The following CNBD1 variants were observed in gnomAD, a reference collection of about 807,000 sequenced individuals.
CNBD1 encodes the protein cyclic nucleotide-binding domain-containing protein 1.
CNBD1 carries 71 observed loss-of-function variants against 54.4 expected under a neutral mutation model. The observed-to-expected ratio is 1.30, with a 90% confidence interval of 1.08 to 1.59. CNBD1 has a LOEUF of 1.59. CNBD1 is among the 40% of genes most tolerant of loss of function. The pLI is 0.00. For missense variants in CNBD1, 659 were observed against 518.0 expected (o/e 1.27, Z -2.64); for synonymous variants, 182 against 170.7 (o/e 1.07, Z -0.51).
At chr8:87,153,305 T>C (rs370427204) in intron 4 of CNBD1, among the ~76,000 whole-genome samples, 9 of 152,328 alleles carry the variant, frequency 5.9e-5, no homozygotes, top group Non-Finnish European at 1.0e-4. Context: ...TCTACATCAA[T>C]TTTCTGGATA....
At chr8:87,372,546 A>G (rs1252393438) in intron 10 of CNBD1, among the ~76,000 whole-genome samples, 1 of 151,940 alleles carries the variant, frequency 6.6e-6, no homozygotes, top group Non-Finnish European at 1.5e-5. Context: ...GGTCTCCAAG[A>G]TTAAGTTCTT....
rs373345548 is a variant in CNBD1, at chr8:87,425,538, C to G, written c.214-3008C>G. Among the ~76,000 whole-genome samples the G allele has an allele frequency of 9.7e-3, 1,465 of 151,556 alleles. 16 individuals carry two copies. The highest frequency in any genetic ancestry group is 0.031 in the African/African-American group (1,291 of 41,086). On this transcript the variant is annotated intron_variant, in intron 2 of 7. Coordinates refer to the CNBD1 transcript ENST00000521593. ...CTGTTTGTTAGTTTTCCTTCTAACA[C>G]ACAGGACCCTCAGCTGCAGGTCTGT...
At chr8:86,995,320 T>A (rs2130535250) in intron 4 of CNBD1, among the ~76,000 whole-genome samples, 1 of 152,348 alleles carries the variant, frequency 6.6e-6, no homozygotes, top group Middle Eastern at 3.4e-3. Flanking sequence ...AGATAGTAAA[T>A]GTCTGTTGCA....
chr8:87,101,084 T>C (rs1409597235), intron 4 of CNBD1, among the ~76,000 whole-genome samples: 2 of 152,228 alleles, frequency 1.3e-5, no homozygotes, highest in African/African-American at 4.8e-5. Flanking sequence ...ACCTTTCAGA[T>C]AAAAGTTACT....
chr8:87,007,522 G>C (rs1221700060), intron 4 of CNBD1, among the ~76,000 whole-genome samples: 1 of 151,934 alleles, frequency 6.6e-6, no homozygotes, highest in African/African-American at 2.4e-5. Flanking sequence ...TTTTGAACTG[G>C]TAATTCTATT....
At chr8:87,058,783 C>T (rs1586228699) in intron 4 of CNBD1, among the ~76,000 whole-genome samples, 1 of 152,178 alleles carries the variant, frequency 6.6e-6, no homozygotes, top group African/African-American at 2.4e-5. Flanking sequence ...GGAAGGACTT[C>T]CCTGTGATGG....
chr8:87,073,204 T>C (rs1028501672), intron 4 of CNBD1, among the ~76,000 whole-genome samples: 1 of 152,036 alleles, frequency 6.6e-6, no homozygotes, highest in East Asian at 1.9e-4. Flanking sequence ...CTCCTGTATT[T>C]TTTTAATCAT....
At chr8:86,991,311 T>C (rs1343222441) in intron 4 of CNBD1, among the ~76,000 whole-genome samples, 1 of 152,080 alleles carries the variant, frequency 6.6e-6, no homozygotes, top group Admixed American at 6.6e-5. Context: ...ACCAGCTGTG[T>C]GTCTGTCATA....
Position 87,228,292 on chromosome 8 carries a change from A to G in CNBD1, c.578-8627A>G, listed in dbSNP as rs542116362. 3.3e-5 allele frequency among the ~76,000 whole-genome samples: 5 copies of G among 151,458 alleles called. No homozygotes were observed. The South Asian group carries it at 1.0e-3, about 31-fold the overall frequency. On this transcript the variant is annotated intron_variant, in intron 5 of 10. Coordinates refer to ENST00000518476, the MANE Select transcript of CNBD1 (RefSeq NM_173538.3). ...TGTTCCGTTGCTGGTGATGAGCTGC[A>G]TTCCTTTGGAGGAGGAGAGGCACTC...
At chr8:86,958,818 G>T (rs560197182) in intron 4 of CNBD1, among the ~76,000 whole-genome samples, 86 of 152,184 alleles carry the variant, frequency 5.7e-4, no homozygotes, top group African/African-American at 2.0e-3. Context: ...GGAGCATTTA[G>T]CCCATTTACA....
intron 7 of CNBD1, among the ~76,000 whole-genome samples, chr8:87,285,102 C>T (rs1379018550): frequency 6.6e-6 from 1 of 152,078 alleles, no homozygotes; most frequent in Non-Finnish European, 1.5e-5. Flanking sequence ...CTCACTCATT[C>T]ATTCAACAAA....
chr8:87,386,172 G>A (rs1290876632), downstream of CNBD1, among the ~76,000 whole-genome samples: 3 of 152,032 alleles, frequency 2.0e-5, no homozygotes, highest in Non-Finnish European at 4.4e-5. Flanking sequence ...AAAAAACAGA[G>A]CAAAAAAACT....
At chr8:87,274,184 G>T (rs1005228973) in intron 6 of CNBD1, among the ~76,000 whole-genome samples, 40 of 151,398 alleles carry the variant, frequency 2.6e-4, no homozygotes, top group African/African-American at 9.0e-4. Flanking sequence ...TGGACATTTG[G>T]GTTGGTTCCA....
intron 6 of CNBD1, among the ~76,000 whole-genome samples, chr8:87,268,018 G>T (rs571930671): frequency 1.3e-5 from 2 of 152,036 alleles, no homozygotes; most frequent in Non-Finnish European, 2.9e-5. Flanking sequence ...GGCAAATTGC[G>T]TGTTGCTGAG....
At chr8:87,359,505 G>A (rs1208988592) in intron 10 of CNBD1, among the ~76,000 whole-genome samples, 1 of 152,014 alleles carries the variant, frequency 6.6e-6, no homozygotes, top group Non-Finnish European at 1.5e-5. Flanking sequence ...TCTATTCCAA[G>A]ATAGTTAAAT....
At chr8:86,886,797 A>T (rs1808686985) in intron 1 of CNBD1, among the ~76,000 whole-genome samples, 1 of 151,410 alleles carries the variant, frequency 6.6e-6, no homozygotes, top group African/African-American at 2.4e-5. Flanking sequence ...AGTATTTATT[A>T]TTTTTTTTTA....
intron 4 of CNBD1, among the ~76,000 whole-genome samples, chr8:86,974,454 A>G (rs950695977): frequency 6.6e-6 from 1 of 152,090 alleles, no homozygotes; most frequent in African/African-American, 2.4e-5. Flanking sequence ...TTGTGCATAT[A>G]TGTACCAAGA....
chr8:87,359,233 A>C (rs912749448), intron 10 of CNBD1, among the ~76,000 whole-genome samples: 2 of 146,710 alleles, frequency 1.4e-5, no homozygotes, highest in Non-Finnish European at 2.9e-5. Context: ...ATTTTAATTC[A>C]TTCCATAGTC....
chr8:87,244,663 C>T (rs1378444052), intron 6 of CNBD1, among the ~76,000 whole-genome samples: 1 of 152,108 alleles, frequency 6.6e-6, no homozygotes, highest in African/African-American at 2.4e-5. Flanking sequence ...TCTAGATGTC[C>T]CCTGACTCAT....
Sources: allele counts gnomAD v4.1 joint callset (sites outside exome capture counted in the v4.1 genomes callset), GRCh38; gene constraint gnomAD v4.1.1; transcripts MANE v1.5; gene names NCBI Gene and HGNC (gene_info 2026-07-23, HGNC 2026-07-21).